The following PPP1R13B variants were observed in gnomAD, a reference collection of about 807,000 sequenced individuals.
The protein encoded by PPP1R13B is protein phosphatase 1 regulatory subunit 13B, also known as apoptosis-stimulating of p53 protein 1.
Under a neutral mutation model 119.8 loss-of-function variants are expected in PPP1R13B, and 44 were observed. The observed-to-expected ratio is 0.37, with a 90% CI of 0.29 to 0.47. The LOEUF (loss-of-function observed/expected upper bound fraction) is 0.47, where lower values mean the gene tolerates loss of function less well. Among genes scored for constraint, PPP1R13B ranks in the 20% least tolerant of loss-of-function variants. The probability of loss-of-function intolerance (pLI) is 0.99; values close to 1 mark genes in which losing one functional copy is unlikely to be tolerated. For missense variants in PPP1R13B, 1,227 were observed against 1,413.5 expected (o/e 0.87, Z 2.12); for synonymous variants, 542 against 561.5 (o/e 0.97, Z 0.49).
chr14:103,795,429 G>T (rs1468607474), intron 2 of PPP1R13B, among the ~76,000 whole-genome samples: 2 of 152,128 alleles, frequency 1.3e-5, no homozygotes, highest in African/African-American at 4.8e-5. Flanking sequence ...TGTGCTCCAG[G>T]GTGGTAGTCC....
intron 9 of PPP1R13B, among the ~76,000 whole-genome samples, chr14:103,745,199 G>A (rs1249696205): frequency 6.6e-6 from 1 of 152,226 alleles, no homozygotes; most frequent in East Asian, 1.9e-4. Flanking sequence ...AAGTGCTGGT[G>A]ATGCTCTTCT....
chr14:103,817,314 A>T (rs2086304497), intron 1 of PPP1R13B, among the ~76,000 whole-genome samples: 1 of 152,176 alleles, frequency 6.6e-6, no homozygotes, highest in South Asian at 2.1e-4. Context: ...GAAAAAATTC[A>T]CTGATAGCAT....
chr14:103,776,192 GGAAGGAAGGAAGGA>G (rs1567114323), intron 4 of PPP1R13B, among the ~76,000 whole-genome samples: 7 of 112,910 alleles, frequency 6.2e-5, no homozygotes, highest in Non-Finnish European at 1.2e-4. Flanking sequence ...GAGGGAGGAA[GGAAGGAAGGAAGGA>G]AGGAAGGAAG....
At position 103,835,161 on chromosome 14, in the gene PPP1R13B, C is replaced by A. The variant is rs1367711811; in HGVS notation, c.9+12138G>T. The stretch of plus-strand genomic sequence containing the variant: ...GTCTGTACTCTGTACAGCCTGTACT[C>A]TGCCAGGCTGGAGTACAATGGCATG... On this transcript the variant is annotated intron_variant, in intron 1 of 16. Transcript: ENST00000202556. Among the ~76,000 whole-genome samples the A allele has an allele frequency of 2.6e-5, 4 of 152,206 alleles. No individual in the cohort carries two copies. In the East Asian group the frequency reaches 7.8e-4, roughly 30 times the overall value.
At chr14:103,781,634 G>GT (rs1555439418) in intron 3 of PPP1R13B, among the ~76,000 whole-genome samples, 1 of 151,844 alleles carries the variant, frequency 6.6e-6, no homozygotes, top group Non-Finnish European at 1.5e-5. Flanking sequence ...CAAGTTAAAG[G>GT]TTTTTTTGTT....
At chr14:103,797,283 GA>G in intron 2 of PPP1R13B, 87 bp downstream of exon 2, 6 of 1,392,934 alleles carry the variant, frequency 4.3e-6, no homozygotes, top group South Asian at 1.6e-5. Flanking sequence ...ATCTTTATCA[GA>G]AAAAAAGCAA....
intron 4 of PPP1R13B, among the ~76,000 whole-genome samples, chr14:103,778,102 C>A (rs892595995): frequency 1.7e-4 from 26 of 151,202 alleles, no homozygotes; most frequent in Admixed American, 1.7e-3. Context: ...CAGGCGCCCA[C>A]CACCACGCCC....
At chr14:103,769,459 C>G (rs550751457) in intron 4 of PPP1R13B, among the ~76,000 whole-genome samples, 32 of 151,982 alleles carry the variant, frequency 2.1e-4, no homozygotes, top group Non-Finnish European at 4.1e-4. Context: ...AGGCTGGTCT[C>G]AAACTCCTAG....
chr14:103,794,121 G>A (rs1361289780), intron 2 of PPP1R13B, among the ~76,000 whole-genome samples: 1 of 152,082 alleles, frequency 6.6e-6, no homozygotes, highest in Non-Finnish European at 1.5e-5. Context: ...CAGACTTCTG[G>A]CCTCCATCAC....
chr14:103,831,808 T>C (rs899086134), intron 1 of PPP1R13B, among the ~76,000 whole-genome samples: 3 of 151,890 alleles, frequency 2.0e-5, no homozygotes, highest in Admixed American at 6.6e-5. Flanking sequence ...TGGTGACACA[T>C]GGCTGTAGTC....
intron 4 of PPP1R13B, among the ~76,000 whole-genome samples, chr14:103,775,708 C>T (rs923085231): frequency 2.0e-5 from 3 of 152,138 alleles, no homozygotes; most frequent in African/African-American, 7.2e-5. Flanking sequence ...GTTTTCTAGG[C>T]CCCACTCCAG....
At chr14:103,771,072 C>A (rs1371183403) in intron 4 of PPP1R13B, among the ~76,000 whole-genome samples, 1 of 152,142 alleles carries the variant, frequency 6.6e-6, no homozygotes, top group Non-Finnish European at 1.5e-5. Context: ...ATGAACCCCC[C>A]AACAGAAGGG....
At chr14:103,839,176 C>G (rs976820547) in intron 1 of PPP1R13B, among the ~76,000 whole-genome samples, 2 of 152,062 alleles carry the variant, frequency 1.3e-5, no homozygotes, top group Admixed American at 6.5e-5. Flanking sequence ...CCACACCCAG[C>G]TAATTTTTTG....
Position 103,739,815 on chromosome 14 carries a change from G to C in PPP1R13B, c.2592+9C>G. ...GAAGGCCAGGCTTTGGTCTAGCAAT[G>C]ACACCCACCGTGGAGGTGGCAGGAG... On this transcript the variant is annotated intron_variant, in intron 12 of 16. Coordinates refer to ENST00000202556, the MANE Select transcript of PPP1R13B (RefSeq NM_015316.3). The C allele has an allele frequency of 6.3e-7, 1 of 1,595,112 alleles. No individual in the cohort carries two copies. Among genetic ancestry groups the C allele is most frequent in the South Asian group, 1.1e-5 (1 of 88,684 alleles).
At chr14:103,803,924 A>C (rs971693421) in intron 1 of PPP1R13B, 2 of 514,658 alleles carry the variant, frequency 3.9e-6, no homozygotes, top group African/African-American at 4.2e-5. Context: ...CCAACCTCAG[A>C]TAAAGCCTCC....
At chr14:103,797,599 A>G (rs1309913636) in intron 1 of PPP1R13B, 81 bp from the exon 2 acceptor site, 1 of 771,234 alleles carries the variant, frequency 1.3e-6, no homozygotes, top group African/African-American at 2.8e-5. Flanking sequence ...TGATCCCTCT[A>G]CCCACCCCCC....
chr14:103,776,903 C>A (rs1207209453), intron 4 of PPP1R13B, among the ~76,000 whole-genome samples: 1 of 151,744 alleles, frequency 6.6e-6, no homozygotes, highest in African/African-American at 2.4e-5. Context: ...AATCTCTAGT[C>A]TTAAAATTAC....
chr14:103,747,696 T>C (rs1019475321), intron 8 of PPP1R13B, among the ~76,000 whole-genome samples: 2 of 152,202 alleles, frequency 1.3e-5, no homozygotes, highest in Non-Finnish European at 2.9e-5. Flanking sequence ...CAAAGTCAAC[T>C]GTGTCATTGT....
At chr14:103,819,770 T>C (rs1450997695) in intron 1 of PPP1R13B, among the ~76,000 whole-genome samples, 2 of 151,922 alleles carry the variant, frequency 1.3e-5, no homozygotes, top group Non-Finnish European at 2.9e-5. Flanking sequence ...TCTGAAGATC[T>C]GGTTGTTAGG....
Sources: gnomAD v4.1 joint callset for allele counts (sites outside exome capture counted in the v4.1 genomes callset) on GRCh38, gnomAD v4.1.1 for gene constraint, MANE v1.5 for transcripts, NCBI Gene and HGNC (gene_info 2026-07-23, HGNC 2026-07-21) for gene names.